SLC27A2: variants seen among roughly 807,000 people sequenced by gnomAD.
SLC27A2 encodes the protein solute carrier family 27 member 2.
In SLC27A2, 54 loss-of-function variants were observed where a neutral mutation model predicts 60.0. The ratio of observed to expected loss-of-function variants is 0.90; its 90% CI spans 0.72 to 1.13. SLC27A2 has a LOEUF of 1.13. Ranked by LOEUF, SLC27A2 falls within the 50% of genes most tolerant of loss-of-function variation. The pLI, the probability that SLC27A2 is intolerant of heterozygous loss-of-function variation, is 0.00. For missense variants in SLC27A2, 739 were observed against 777.6 expected, an observed-to-expected ratio of 0.95 and a Z score of 0.59; for synonymous variants, 297 against 297.6, an observed-to-expected ratio of 1.00 and a Z score of 0.02.
At chr15:50,198,300 T>A (rs2045040285) in intron 2 of SLC27A2, 1 of 151,824 alleles carries the variant, frequency 6.6e-6, no homozygotes, top group African/African-American at 2.4e-5. Flanking sequence ...ATTAACAATG[T>A]TATGGGAACA....
At chr15:50,207,670 A>G (rs1199675481) in intron 4 of SLC27A2, among the ~76,000 whole-genome samples, 1 of 151,890 alleles carries the variant, frequency 6.6e-6, no homozygotes, top group Non-Finnish European at 1.5e-5. Context: ...CGTGCCTGTA[A>G]TCCCAACTAC....
At chr15:50,202,117 G>A (rs1190788067) in intron 2 of SLC27A2, among the ~76,000 whole-genome samples, 1 of 152,176 alleles carries the variant, frequency 6.6e-6, no homozygotes, top group East Asian at 1.9e-4. Flanking sequence ...GATTACTACT[G>A]TCATAACCAT....
intron 2 of SLC27A2, among the ~76,000 whole-genome samples, chr15:50,202,256 A>G (rs1224964504): frequency 6.6e-6 from 1 of 152,250 alleles, no homozygotes; most frequent in African/African-American, 2.4e-5. Flanking sequence ...TTTGACTACA[A>G]TAGCAGAGTT....
intron 4 of SLC27A2, among the ~76,000 whole-genome samples, chr15:50,216,610 G>GTATA (rs59683706): frequency 5.7e-4 from 38 of 66,462 alleles, no homozygotes; most frequent in African/African-American, 1.3e-3. Context: ...GTGTGTGTGT[G>GTATA]TATATATATA....
rs2045253789 is a variant in SLC27A2, at chr15:50,222,982, T to C, written c.990T>C (p.Asp330=). The C allele has an allele frequency of 6.2e-7, 1 of 1,611,278 alleles. No homozygotes were observed. Among genetic ancestry groups the C allele is most frequent in the Non-Finnish European group, 8.5e-7 (1 of 1,178,854 alleles). ...CNSPQKPNDR[D]HKVRLALGNG... ...CACCACAGAAACCAAATGACCGTGA[T>C]CATAAAGTGAGACTGGCACTGGGAA... Residue 330 remains aspartate (D), a synonymous_variant, in exon 5 of 10, where the codon GAT becomes GAC. Transcript: ENST00000267842.
intron 4 of SLC27A2, among the ~76,000 whole-genome samples, chr15:50,216,616 ATATATATAT>A (rs2045198414): frequency 1.1e-4 from 2 of 18,718 alleles, no homozygotes; most frequent in Non-Finnish European, 2.2e-4. Flanking sequence ...GTGTGTATAT[ATATATATAT>A]ATATATATAT....
intron 4 of SLC27A2, among the ~76,000 whole-genome samples, chr15:50,219,898 T>C (rs941972282): frequency 6.6e-6 from 1 of 152,150 alleles, no homozygotes; most frequent in African/African-American, 2.4e-5. Context: ...TTAAAAAAAA[T>C]AAGCTGGTGA....
chr15:50,199,912 A>G (rs1049394940), intron 2 of SLC27A2, among the ~76,000 whole-genome samples: 1 of 152,210 alleles, frequency 6.6e-6, no homozygotes, highest in Admixed American at 6.5e-5. Flanking sequence ...AGAGCAAGGC[A>G]CTGTCTGTAG....
Position 50,232,918 on chromosome 15 carries a change from C to A in SLC27A2, c.1556-950C>A, listed in dbSNP as rs16963459. ...TTTCGAAAGCTGGGGCCCAGGTAAC[C>A]AAGGGAGGCTCCTGTCTCCTCTCTG... On this transcript the variant is annotated intron_variant, in intron 8 of 9. Coordinates refer to ENST00000267842, the MANE Select transcript of SLC27A2 (RefSeq NM_003645.4). Among the ~76,000 whole-genome samples, 1,179 of 152,220 alleles carry A rather than the reference C, an allele frequency of 7.7e-3. 37 individuals carry two copies. The East Asian group carries it at 0.097, about 12-fold the overall frequency.
rs1159334200 is a variant in SLC27A2 at position 50,222,954 on chromosome 15, C to A, written c.973-11C>A. The stretch of plus-strand genomic sequence containing the variant: ...GTTTCAGTTTGGTCTCCTTCTTCTC[C>A]CCCACCACAGAAACCAAATGACCGT... On this transcript the variant is annotated splice_polypyrimidine_tract_variant and intron_variant, in intron 4 of 9. Transcript: ENST00000267842. The A allele has an allele frequency of 6.3e-7, 1 of 1,594,418 alleles. No individual in the cohort carries two copies. The highest frequency in any genetic ancestry group is 8.5e-7 in the Non-Finnish European group (1 of 1,169,758).
chr15:50,217,174 A>G (rs2045204807), intron 4 of SLC27A2, among the ~76,000 whole-genome samples: 1 of 152,224 alleles, frequency 6.6e-6, no homozygotes, highest in Non-Finnish European at 1.5e-5. Flanking sequence ...GGGTGCCCCA[A>G]AATCTCACAA....
intron 4 of SLC27A2, 77 bp downstream of exon 4, chr15:50,205,440 T>G: frequency 7.0e-7 from 1 of 1,430,690 alleles, no homozygotes; most frequent in Non-Finnish European, 9.6e-7. Context: ...TGTGCTAGGC[T>G]TCAACTGATT....
intron 4 of SLC27A2, among the ~76,000 whole-genome samples, chr15:50,216,610 G>GTGTATACA (rs1323910367): frequency 1.5e-5 from 1 of 66,492 alleles, no homozygotes; most frequent in Non-Finnish European, 3.0e-5. Flanking sequence ...GTGTGTGTGT[G>GTGTATACA]TATATATATA....
At chr15:50,206,474 G>A (rs2045112753) in intron 4 of SLC27A2, among the ~76,000 whole-genome samples, 1 of 152,166 alleles carries the variant, frequency 6.6e-6, no homozygotes, top group African/African-American at 2.4e-5. Context: ...GACGCAGAAA[G>A]AAGTGTCAGA....
chr15:50,223,492 A>T (rs2045259095), intron 5 of SLC27A2, among the ~76,000 whole-genome samples: 1 of 152,200 alleles, frequency 6.6e-6, no homozygotes. Context: ...ACTGTGAAAC[A>T]TAGTATTTCC....
chr15:50,212,534 G>A (rs2045165848), intron 4 of SLC27A2, among the ~76,000 whole-genome samples: 1 of 152,204 alleles, frequency 6.6e-6, no homozygotes, highest in Non-Finnish European at 1.5e-5. Context: ...CTTAAGAGCT[G>A]TGAGACAGAA....
chr15:50,197,628 A>C lies in SLC27A2; in HGVS notation c.607A>C (p.Thr203Pro). 6.2e-7 allele frequency: 1 copy of C among 1,614,164 alleles called. No individual in the cohort carries two copies. Among genetic ancestry groups the C allele is most frequent in the South Asian group, 1.1e-5 (1 of 91,082 alleles). The change falls in exon 2 of 10, where the codon ACT (threonine) becomes CCT (proline). Residue 203 changes from threonine to proline, a missense_variant. Thr to Pro is a conservative substitution (Grantham distance 38). Transcript: ENST00000267842. ...SFLDKVDEVS[T>P]EPIPESWRSE... ...CCTGGACAAAGTGGATGAAGTATCA[A>C]CTGAACCTATCCCAGAGTCATGGAG...
At chr15:50,225,921 T>G in intron 5 of SLC27A2, 67 bp from the exon 6 acceptor site, 1 of 1,127,340 alleles carries the variant, frequency 8.9e-7, no homozygotes, top group South Asian at 1.4e-5. Context: ...ATACTTTGTG[T>G]TATACCACAA....
intron 1 of SLC27A2, among the ~76,000 whole-genome samples, chr15:50,196,495 TTGAGA>T (rs1180952667): frequency 1.3e-5 from 2 of 152,088 alleles, no homozygotes; most frequent in East Asian, 1.9e-4. Flanking sequence ...GCTACCACTC[TTGAGA>T]TGAGTACTAT....
Sources: gnomAD v4.1 joint callset for allele counts (sites outside exome capture counted in the v4.1 genomes callset) on GRCh38, gnomAD v4.1.1 for gene constraint, MANE v1.5 for transcripts, NCBI Gene and HGNC (gene_info 2026-07-23, HGNC 2026-07-21) for gene names.